Variants in TRMT9B observed in about 807,000 individuals in gnomAD.
TRMT9B encodes probable tRNA methyltransferase 9B.
TRMT9B carries 16 observed loss-of-function variants against 11.5 expected under a neutral mutation model. The ratio of observed to expected loss-of-function variants is 1.39; its 90% confidence interval spans 0.94 to 2.11. TRMT9B has a LOEUF of 2.11. TRMT9B is among the 30% of genes most tolerant of loss of function. TRMT9B has a pLI of 0.00. For missense variants in TRMT9B, 941 were observed against 553.8 expected, an observed-to-expected ratio of 1.70 and a Z score of -7.02; for synonymous variants, 274 against 192.4, an observed-to-expected ratio of 1.42 and a Z score of -3.51.
At chr8:12,982,978 A>G (rs536230823) in intron 1 of TRMT9B, among the ~76,000 whole-genome samples, 1 of 152,200 alleles carries the variant, frequency 6.6e-6, no homozygotes, top group Non-Finnish European at 1.5e-5. Context: ...ATAAAATGGC[A>G]TGTGTTCAGG....
chr8:12,993,808 C>G (rs1186969408), intron 2 of TRMT9B, among the ~76,000 whole-genome samples: 2 of 152,196 alleles, frequency 1.3e-5, no homozygotes, highest in Admixed American at 1.3e-4. Context: ...TGTGAAGAAG[C>G]ATTCAAGTTT....
intron 3 of TRMT9B, chr8:13,006,686 G>T (rs947262638): frequency 7.5e-6 from 10 of 1,327,756 alleles, no homozygotes; most frequent in Non-Finnish European, 9.6e-6. Flanking sequence ...TTATTCTTTT[G>T]AGATGGAGTT....
intron 1 of TRMT9B, among the ~76,000 whole-genome samples, chr8:12,967,812 A>T (rs1803030768): frequency 6.6e-6 from 1 of 152,258 alleles, no homozygotes; most frequent in African/African-American, 2.4e-5. Flanking sequence ...AAGCATTGTT[A>T]ACAGTTTAAT....
Position 12,950,943 on chromosome 8 carries a change from C to G in TRMT9B, c.-200+4977C>G, listed in dbSNP as rs772799854. On this transcript the variant is annotated intron_variant, in intron 1 of 4. Transcript: ENST00000524591. The stretch of plus-strand genomic sequence containing the variant: ...TATACAAAGGGCGGCAGAGCGGTTA[C>G]TAAATGTGCTCATTTTTCGTCACTA... Among the ~76,000 whole-genome samples the G allele has an allele frequency of 3.1e-4, 47 of 152,278 alleles. 2 individuals carry two copies. The South Asian group carries it at 3.5e-3, about 11-fold the overall frequency.
chr8:12,947,136 G>T (rs540781449), intron 1 of TRMT9B, among the ~76,000 whole-genome samples: 1 of 152,156 alleles, frequency 6.6e-6, no homozygotes, highest in Non-Finnish European at 1.5e-5. Flanking sequence ...CATTCTGACT[G>T]GGTCACTGTG....
intron 2 of TRMT9B, among the ~76,000 whole-genome samples, chr8:12,998,834 A>G (rs1044449871): frequency 5.9e-5 from 9 of 152,250 alleles, no homozygotes; most frequent in African/African-American, 1.9e-4. Context: ...ATATGTGCAT[A>G]GCTTTCCAGT....
At chr8:12,991,720 G>T (rs1807367945) in intron 2 of TRMT9B, among the ~76,000 whole-genome samples, 1 of 152,062 alleles carries the variant, frequency 6.6e-6, no homozygotes, top group Admixed American at 6.6e-5. Context: ...ATCACCTGAG[G>T]TCCGGAGTTC....
intron 1 of TRMT9B, among the ~76,000 whole-genome samples, chr8:12,967,415 C>A (rs1366614046): frequency 1.3e-5 from 2 of 152,192 alleles, no homozygotes; most frequent in African/African-American, 4.8e-5. Flanking sequence ...AAGACTGAAC[C>A]TCACCAGACC....
At chr8:12,992,945 A>C (rs537516819) in intron 2 of TRMT9B, among the ~76,000 whole-genome samples, 92 of 152,310 alleles carry the variant, frequency 6.0e-4, no homozygotes, top group African/African-American at 2.1e-3. Flanking sequence ...TTTATGCAGG[A>C]GGAAGAAACT....
chr8:12,958,011 T>A (rs1242493585), intron 1 of TRMT9B, among the ~76,000 whole-genome samples: 1 of 152,176 alleles, frequency 6.6e-6, no homozygotes. Context: ...TCCACTTATA[T>A]AGTATATTAG....
intron 1 of TRMT9B, among the ~76,000 whole-genome samples, chr8:12,975,167 G>A (rs2466252): frequency 0.33 from 49,683 of 151,834 alleles, 8,497 homozygotes; most frequent in East Asian, 0.6. Context: ...AGGAGGGTTT[G>A]TATTATAGAA....
At chr8:12,974,770 G>T (rs1804177573) in intron 1 of TRMT9B, among the ~76,000 whole-genome samples, 1 of 152,314 alleles carries the variant, frequency 6.6e-6, no homozygotes, top group East Asian at 1.9e-4. Context: ...ACAGCAGCAG[G>T]CAGGGTTTTG....
Position 13,026,422 on chromosome 8 carries a change from G to C in TRMT9B, c.*4378G>C. ...CTCTTGCCCTCTACCCCCGGGGCTT[G>C]TATATAGATTATAAATATATAAGGG... On this transcript the variant is annotated 3_prime_UTR_variant, in exon 5 of 5. Transcript: ENST00000524591. 1 of 129,246 alleles carries C rather than the reference G, an allele frequency of 7.7e-6. No individual in the cohort carries two copies. The highest frequency in any genetic ancestry group is 1.3e-4 in the Admixed American group (1 of 7,662). The allele number at this position is 129,246 out of a possible 1,614,324, so 8.0% of individuals were successfully genotyped here. A position where few individuals can be genotyped will look rare whatever the true frequency, so the allele number is the denominator to read the frequency against.
chr8:12,969,204 C>G (rs762432380), intron 1 of TRMT9B, among the ~76,000 whole-genome samples: 2 of 151,042 alleles, frequency 1.3e-5, no homozygotes, highest in Non-Finnish European at 2.9e-5. Context: ...GAAACTGTGT[C>G]TAAAAACAAA....
intron 1 of TRMT9B, among the ~76,000 whole-genome samples, chr8:12,977,769 C>T (rs1563346233): frequency 6.6e-6 from 1 of 151,904 alleles, no homozygotes; most frequent in South Asian, 2.1e-4. Context: ...AATCTCAACA[C>T]TTTGGGAGGC....
At chr8:12,969,103 C>G (rs1585130797) in intron 1 of TRMT9B, among the ~76,000 whole-genome samples, 2 of 152,112 alleles carry the variant, frequency 1.3e-5, no homozygotes, top group East Asian at 3.9e-4. Context: ...ATTCTAGCTA[C>G]TCGGGAGGCT....
At chr8:12,993,127 A>G (rs1807672305) in intron 2 of TRMT9B, among the ~76,000 whole-genome samples, 1 of 152,216 alleles carries the variant, frequency 6.6e-6, no homozygotes, top group Non-Finnish European at 1.5e-5. Flanking sequence ...AGTCTGAGGT[A>G]CTGTCGTTGC....
At chr8:13,019,680 C>T (rs903680691) in intron 4 of TRMT9B, among the ~76,000 whole-genome samples, 7 of 152,164 alleles carry the variant, frequency 4.6e-5, no homozygotes, top group Non-Finnish European at 7.3e-5. Context: ...ACTGCTATAC[C>T]TCCTTAGCTT....
At chr8:13,004,250 C>A (rs1025495907) in intron 2 of TRMT9B, among the ~76,000 whole-genome samples, 1 of 151,848 alleles carries the variant, frequency 6.6e-6, no homozygotes, top group African/African-American at 2.4e-5. Flanking sequence ...GACTGCAGCT[C>A]CTAGGTGAGT....
Sources: gnomAD v4.1 joint callset for allele counts (sites outside exome capture counted in the v4.1 genomes callset) on GRCh38, gnomAD v4.1.1 for gene constraint, MANE v1.5 for transcripts, NCBI Gene and HGNC (gene_info 2026-07-23, HGNC 2026-07-21) for gene names.